The following AVEN variants were observed in gnomAD, a reference collection of about 807,000 sequenced individuals.
The protein encoded by AVEN is apoptosis and caspase activation inhibitor.
Under a neutral mutation model 38.1 loss-of-function variants are expected in AVEN, and 41 were observed. The ratio of observed to expected loss-of-function variants is 1.08; its 90% CI spans 0.84 to 1.40. The LOEUF (loss-of-function observed/expected upper bound fraction) is 1.40, where lower values mean the gene tolerates loss of function less well. AVEN is among the 40% of genes most tolerant of loss of function. The probability of loss-of-function intolerance (pLI) is 0.00; values close to 1 mark genes in which losing one functional copy is unlikely to be tolerated. For synonymous variants in AVEN, 206 were observed against 171.8 expected (o/e 1.20, Z -1.56); for missense variants, 605 against 438.8 (o/e 1.38, Z -3.38).
intron 2 of AVEN, among the ~76,000 whole-genome samples, chr15:33,961,745 G>A (rs540695234): frequency 1.7e-3 from 250 of 148,864 alleles, no homozygotes; most frequent in Non-Finnish European, 3.0e-3. Flanking sequence ...CCCGGGAGGC[G>A]GAGCTTGCAG....
intron 2 of AVEN, among the ~76,000 whole-genome samples, chr15:33,941,634 GAAT>G (rs1289556824): frequency 6.6e-6 from 1 of 151,686 alleles, no homozygotes; most frequent in Non-Finnish European, 1.5e-5. Context: ...TACAAAGTGA[GAAT>G]AATTTAAATT....
At chr15:33,929,398 T>C (rs987747207) in intron 2 of AVEN, among the ~76,000 whole-genome samples, 1 of 152,196 alleles carries the variant, frequency 6.6e-6, no homozygotes, top group Non-Finnish European at 1.5e-5. Flanking sequence ...CCACACTGCA[T>C]AGCTGTAGAC....
downstream of AVEN, among the ~76,000 whole-genome samples, chr15:33,862,176 C>G (rs552917243): frequency 6.6e-5 from 10 of 151,606 alleles, no homozygotes; most frequent in South Asian, 1.9e-3. Context: ...CCCAGCCTAG[C>G]TCTTCCCCCT....
intron 2 of AVEN, among the ~76,000 whole-genome samples, chr15:33,903,897 T>C (rs1293282972): frequency 6.6e-6 from 1 of 152,226 alleles, no homozygotes; most frequent in African/African-American, 2.4e-5. Context: ...GGCTACATGG[T>C]GTAGCCTATT....
At chr15:33,890,448 C>T (rs1891892412) in intron 2 of AVEN, among the ~76,000 whole-genome samples, 2 of 151,984 alleles carry the variant, frequency 1.3e-5, no homozygotes. Flanking sequence ...CAAGGCTAAA[C>T]AAAATCAACA....
rs186645994 is a variant in AVEN at position 34,008,436 on chromosome 15, A to G, written c.268-5227T>C. Among the ~76,000 whole-genome samples the G allele has an allele frequency of 3.7e-3, 554 of 151,574 alleles. 7 individuals carry two copies. Among genetic ancestry groups the G allele is most frequent in the African/African-American group, 0.013 (525 of 41,266 alleles). On this transcript the variant is annotated intron_variant, in intron 1 of 5. Transcript: ENST00000306730. ...CCGTGTCTCTTAAAAAGAAAAAAAA[A>G]AAGAAGAAAAATAATGCCTGAAAAC...
chr15:33,979,593 A>C (rs1896045321), intron 2 of AVEN, among the ~76,000 whole-genome samples: 1 of 152,224 alleles, frequency 6.6e-6, no homozygotes, highest in African/African-American at 2.4e-5. Flanking sequence ...GTTAAACCTC[A>C]ACCTTTATGA....
chr15:33,950,927 A>G (rs1365347688), intron 2 of AVEN, among the ~76,000 whole-genome samples: 1 of 152,184 alleles, frequency 6.6e-6, no homozygotes, highest in Non-Finnish European at 1.5e-5. Context: ...GGATCACTTG[A>G]GCCCAGGAGC....
chr15:33,934,685 A>C (rs924798218), intron 2 of AVEN, among the ~76,000 whole-genome samples: 10 of 152,208 alleles, frequency 6.6e-5, no homozygotes, highest in Admixed American at 5.9e-4. Context: ...TCAAAGCATT[A>C]CAGAAACAAT....
At chr15:33,967,411 T>G (rs1015270739) in intron 2 of AVEN, among the ~76,000 whole-genome samples, 1 of 152,066 alleles carries the variant, frequency 6.6e-6, no homozygotes, top group African/African-American at 2.4e-5. Context: ...CACAGGGTCA[T>G]GTGAAAAAGT....
chr15:33,957,088 TTACCTGTGAGCTCCTCAGGAACAG>T (rs1894984314), intron 2 of AVEN, among the ~76,000 whole-genome samples: 1 of 152,346 alleles, frequency 6.6e-6, no homozygotes, highest in African/African-American at 2.4e-5. Flanking sequence ...ATAATTTGTT[TTACCTGTGAGCTCCTCAGGAACAG>T]TACTGGGAGC....
intron 1 of AVEN, among the ~76,000 whole-genome samples, chr15:34,072,103 C>CA (rs1442758870): frequency 3.3e-5 from 5 of 149,890 alleles, no homozygotes; most frequent in Non-Finnish European, 5.9e-5. Context: ...TTATCTCTAC[C>CA]AAAAAAAAGT....
chr15:33,999,856 G>A (rs552783108), intron 2 of AVEN, among the ~76,000 whole-genome samples: 1 of 152,266 alleles, frequency 6.6e-6, no homozygotes, highest in South Asian at 2.1e-4. Context: ...ACACAGGAGT[G>A]TTATATCACT....
At chr15:34,024,977 T>C (rs1173430354) in intron 1 of AVEN, among the ~76,000 whole-genome samples, 2 of 151,818 alleles carry the variant, frequency 1.3e-5, no homozygotes, top group Non-Finnish European at 2.9e-5. Context: ...GAGGTCAGGA[T>C]TTTGAGACCA....
At chr15:33,917,269 G>A (rs754880764) in intron 2 of AVEN, among the ~76,000 whole-genome samples, 2 of 151,508 alleles carry the variant, frequency 1.3e-5, no homozygotes, top group Non-Finnish European at 2.9e-5. Flanking sequence ...TTGCACATAC[G>A]TTTGTAGCAG....
In AVEN at chr15:33,866,745, A is replaced by G. The variant is rs780930053; in HGVS notation, c.974-17T>C. 1 of 1,561,084 alleles carries G rather than the reference A, an allele frequency of 6.4e-7. No homozygotes were observed. The highest frequency in any genetic ancestry group is 8.8e-7 in the Non-Finnish European group (1 of 1,132,152). ...TTGCACAAACTGGGGGAAAAAAAAC[A>G]ATGTTAACACCCTCAGATGAGTCCT... On this transcript the variant is annotated splice_polypyrimidine_tract_variant and intron_variant, in intron 5 of 5. Transcript: ENST00000306730.
chr15:34,057,288 C>T (rs1331955096), intron 5 of AVEN, among the ~76,000 whole-genome samples: 2 of 141,834 alleles, frequency 1.4e-5, no homozygotes, highest in Admixed American at 7.5e-5. Flanking sequence ...AGGCACATGC[C>T]ACCACGCCCA....
intron 2 of AVEN, among the ~76,000 whole-genome samples, chr15:33,883,184 T>C (rs1891562581): frequency 6.6e-6 from 1 of 152,186 alleles, no homozygotes; most frequent in African/African-American, 2.4e-5. Flanking sequence ...AACAACATCT[T>C]GTTCCTCTAG....
intron 2 of AVEN, among the ~76,000 whole-genome samples, chr15:33,960,087 AG>A (rs1895105430): frequency 6.6e-6 from 1 of 152,208 alleles, no homozygotes; most frequent in East Asian, 1.9e-4. Flanking sequence ...TTATAAAATA[AG>A]GGACCGTGAT....
Sources: gnomAD v4.1 joint callset for allele counts (sites outside exome capture counted in the v4.1 genomes callset) on GRCh38, gnomAD v4.1.1 for gene constraint, MANE v1.5 for transcripts, NCBI Gene and HGNC (gene_info 2026-07-23, HGNC 2026-07-21) for gene names.